The following CCDC149 variants were observed in gnomAD, a reference collection of about 807,000 sequenced individuals.
CCDC149 encodes coiled-coil domain-containing protein 149.
A neutral mutation model predicts 59.9 loss-of-function variants in CCDC149; 45 were observed. The ratio of observed to expected loss-of-function variants is 0.75; its 90% CI spans 0.59 to 0.96. CCDC149 has a LOEUF of 0.96. Ranked by LOEUF, CCDC149 falls within the 40% of genes least tolerant of loss-of-function variation. CCDC149 has a pLI of 0.00. For missense variants in CCDC149, 584 were observed against 664.7 expected (o/e 0.88, Z 1.33); for synonymous variants, 245 against 260.6 (o/e 0.94, Z 0.58).
At chr4:24,967,698 TCTAG>T (rs1267186537) in intron 1 of CCDC149, among the ~76,000 whole-genome samples, 1 of 150,650 alleles carries the variant, frequency 6.6e-6, no homozygotes, top group Non-Finnish European at 1.5e-5. Flanking sequence ...CCAGAAGGGG[TCTAG>T]CTATTCCATT....
intron 1 of CCDC149, among the ~76,000 whole-genome samples, chr4:24,878,377 G>A (rs891568531): frequency 6.6e-6 from 1 of 152,170 alleles, no homozygotes; most frequent in African/African-American, 2.4e-5. Flanking sequence ...GCCTTAAAAT[G>A]TCCTGGATTT....
At chr4:24,813,462 C>T (rs1466459902) in intron 12 of CCDC149, among the ~76,000 whole-genome samples, 1 of 139,826 alleles carries the variant, frequency 7.2e-6, no homozygotes, top group South Asian at 2.2e-4. Flanking sequence ...ATTGCTGAGG[C>T]ATATATCCCC....
intron 1 of CCDC149, among the ~76,000 whole-genome samples, chr4:24,879,180 T>C (rs1302759422): frequency 1.3e-5 from 2 of 152,122 alleles, no homozygotes; most frequent in Non-Finnish European, 2.9e-5. Flanking sequence ...AGTTCTGCCA[T>C]ACCCTGGCAC....
intron 1 of CCDC149, among the ~76,000 whole-genome samples, chr4:24,970,786 C>A (rs1048480367): frequency 2.0e-5 from 3 of 152,106 alleles, no homozygotes; most frequent in African/African-American, 7.2e-5. Context: ...TGCCCAGACT[C>A]CCACATACCT....
chr4:24,948,404 C>T (rs2123743), intron 1 of CCDC149, among the ~76,000 whole-genome samples: 31,429 of 152,086 alleles, frequency 0.21, 4,356 homozygotes, highest in African/African-American at 0.4. Flanking sequence ...GCTTTTTGCT[C>T]ATGGATTCAT....
Position 24,912,883 on chromosome 4 carries a change from C to T in CCDC149, c.-4G>A. 7.4e-7 allele frequency: 1 copy of T among 1,354,578 alleles called. No individual in the cohort carries two copies. Among genetic ancestry groups the T allele is most frequent in the Admixed American group, 2.6e-5 (1 of 37,762 alleles). 83.9% of individuals were successfully genotyped at this position (1,354,578 alleles called of 1,614,324 possible). The stretch of plus-strand genomic sequence containing the variant: ...CGTTCATGGCCTCCTCCTCCATGCG[C>T]TGGCCGGCCTCCTGGACCCCCGCCG... On this transcript the variant is annotated 5_prime_UTR_variant, in exon 1 of 13. Coordinates refer to ENST00000635206, the MANE Select transcript of CCDC149 (RefSeq NM_001330643.2).
At chr4:24,821,560 T>A (rs990070385) in intron 10 of CCDC149, among the ~76,000 whole-genome samples, 5 of 152,222 alleles carry the variant, frequency 3.3e-5, no homozygotes, top group African/African-American at 1.2e-4. Context: ...AGGCAGCGAT[T>A]CAAGTTTACA....
At chr4:24,879,517 C>CA (rs34213743) in intron 1 of CCDC149, among the ~76,000 whole-genome samples, 13,779 of 115,886 alleles carry the variant, frequency 0.12, 791 homozygotes, top group South Asian at 0.18. Flanking sequence ...ACTCTTGTCT[C>CA]AAAAAAAAAA....
At chr4:24,976,285 T>C (rs925178056) in intron 1 of CCDC149, among the ~76,000 whole-genome samples, 7 of 151,760 alleles carry the variant, frequency 4.6e-5, no homozygotes, top group African/African-American at 1.7e-4. Flanking sequence ...ACAGGCAGAG[T>C]CCCCCACTTG....
rs545795626 is a variant in CCDC149 at position 24,816,466 on chromosome 4, G to T, written c.1192+3393C>A. Among the ~76,000 whole-genome samples, 26 of 152,194 alleles carry T rather than the reference G, an allele frequency of 1.7e-4. No homozygotes were observed. The South Asian group carries it at 5.4e-3, about 32-fold the overall frequency. On this transcript the variant is annotated intron_variant, in intron 12 of 12. Coordinates refer to ENST00000635206, the MANE Select transcript of CCDC149 (RefSeq NM_001330643.2). ...GAGACAAAAAAAGGTTACTAAAAAT[G>T]TCACAAGCGTTGAGCTATCACTGGG...
chr4:24,893,731 C>T (rs978521424), intron 1 of CCDC149, among the ~76,000 whole-genome samples: 2 of 144,734 alleles, frequency 1.4e-5, no homozygotes, highest in African/African-American at 2.5e-5. Context: ...ATTCTCCTGC[C>T]TCAGCCTCCC....
At chr4:24,938,387 C>A (rs1277213251) in intron 1 of CCDC149, among the ~76,000 whole-genome samples, 2 of 152,208 alleles carry the variant, frequency 1.3e-5, no homozygotes, top group African/African-American at 4.8e-5. Context: ...GACATATCAT[C>A]ATTTGACTCC....
intron 1 of CCDC149, among the ~76,000 whole-genome samples, chr4:24,933,487 G>A (rs1722653350): frequency 6.6e-6 from 1 of 152,196 alleles, no homozygotes; most frequent in Non-Finnish European, 1.5e-5. Context: ...CTATGAAGAT[G>A]AGTATAATTT....
chr4:24,890,489 T>A (rs981859996), intron 1 of CCDC149, among the ~76,000 whole-genome samples: 1 of 152,198 alleles, frequency 6.6e-6, no homozygotes, highest in East Asian at 1.9e-4. Context: ...ATTACTTACG[T>A]GAGAAAAAGC....
intron 1 of CCDC149, among the ~76,000 whole-genome samples, chr4:24,966,045 T>C (rs2109364170): frequency 6.6e-6 from 1 of 152,252 alleles, no homozygotes; most frequent in East Asian, 1.9e-4. Context: ...ATTCCTCAAG[T>C]GTTTTTCCAG....
chr4:24,910,513 G>T (rs1721813482), intron 1 of CCDC149, among the ~76,000 whole-genome samples: 1 of 152,120 alleles, frequency 6.6e-6, no homozygotes, highest in African/African-American at 2.4e-5. Flanking sequence ...CCATAAACTT[G>T]AATTTTTCAC....
intron 1 of CCDC149, among the ~76,000 whole-genome samples, chr4:24,878,611 T>C (rs911182364): frequency 6.6e-6 from 1 of 152,228 alleles, no homozygotes; most frequent in Non-Finnish European, 1.5e-5. Context: ...ATCAGCACCC[T>C]TGGTTGTCAG....
intron 3 of CCDC149, among the ~76,000 whole-genome samples, chr4:24,861,559 C>G (rs777894063): frequency 1.1e-4 from 16 of 151,762 alleles, no homozygotes; most frequent in Non-Finnish European, 1.5e-4. Context: ...GATGGGTGCA[C>G]CAAAATCTAA....
intron 1 of CCDC149, among the ~76,000 whole-genome samples, chr4:24,923,236 C>T (rs190215485): frequency 1.0e-3 from 158 of 152,284 alleles, no homozygotes; most frequent in Non-Finnish European, 1.5e-3. Context: ...TCTGTGGCCA[C>T]AAGCCTAAAC....
Sources: allele counts gnomAD v4.1 joint callset (sites outside exome capture counted in the v4.1 genomes callset), GRCh38; gene constraint gnomAD v4.1.1; transcripts MANE v1.5; gene names NCBI Gene and HGNC (gene_info 2026-07-23, HGNC 2026-07-21).